Variants in NXPH2 observed in about 807,000 individuals in gnomAD.
NXPH2 encodes the protein neurexophilin 2.
In NXPH2, 5 loss-of-function variants were observed where a neutral mutation model predicts 19.8. The ratio of observed to expected loss-of-function variants is 0.25; its 90% CI spans 0.13 to 0.53. NXPH2 has a LOEUF of 0.53. NXPH2 is among the 20% of genes least tolerant of loss of function. NXPH2 has a pLI of 0.96. For missense variants in NXPH2, 289 were observed against 322.8 expected (o/e 0.90, Z 0.80); for synonymous variants, 154 against 127.4 (o/e 1.21, Z -1.41).
intron 1 of NXPH2, among the ~76,000 whole-genome samples, chr2:138,734,008 G>T (rs1407543491): frequency 6.6e-6 from 1 of 152,196 alleles, no homozygotes; most frequent in Non-Finnish European, 1.5e-5. Context: ...ACTTTGGGAG[G>T]CCAAGGCAGG....
intron 1 of NXPH2, among the ~76,000 whole-genome samples, chr2:138,761,566 T>A (rs183360105): frequency 1.4e-3 from 208 of 152,290 alleles, no homozygotes; most frequent in African/African-American, 4.2e-3. Flanking sequence ...AAAGTGCTAT[T>A]CTGAGAGATG....
chr2:138,681,757 G>A (rs115452936), intron 1 of NXPH2, among the ~76,000 whole-genome samples: 328 of 152,158 alleles, frequency 2.2e-3, no homozygotes, highest in South Asian at 2.9e-3. Flanking sequence ...CTGGCTTTTC[G>A]GTCTTGGATA....
rs1363077500 is a variant in NXPH2 at position 138,669,862 on chromosome 2, A to C, written c.*1060T>G. Among the ~76,000 whole-genome samples the C allele has an allele frequency of 6.6e-6, 1 of 152,238 alleles. No homozygotes were observed. The highest frequency in any genetic ancestry group is 1.9e-4 in the East Asian group (1 of 5,202). On this transcript the variant is annotated 3_prime_UTR_variant, in exon 2 of 2. Transcript: ENST00000272641. Reference sequence around the variant, plus strand: ...TTGGTTGTCAGCACTTAATAATTAGAAATGTTTAAATATAACTCTCTATTT... The same window carrying C: ...TTGGTTGTCAGCACTTAATAATTAGCAATGTTTAAATATAACTCTCTATTT...
intron 1 of NXPH2, among the ~76,000 whole-genome samples, chr2:138,757,572 C>T (rs1371816672): frequency 2.0e-5 from 3 of 152,044 alleles, no homozygotes; most frequent in Non-Finnish European, 4.4e-5. Flanking sequence ...CAGTTCTTGC[C>T]TGCTTGTGAT....
intron 1 of NXPH2, among the ~76,000 whole-genome samples, chr2:138,769,417 C>T (rs1217350959): frequency 6.6e-6 from 1 of 152,020 alleles, no homozygotes; most frequent in Non-Finnish European, 1.5e-5. Flanking sequence ...CTCCAAAAAT[C>T]CCAGTGAAAA....
At chr2:138,718,061 A>C (rs1433349820) in intron 1 of NXPH2, among the ~76,000 whole-genome samples, 1 of 152,066 alleles carries the variant, frequency 6.6e-6, no homozygotes, top group East Asian at 1.9e-4. Flanking sequence ...TCAGGAAGTT[A>C]AGTAGCTGAC....
intron 1 of NXPH2, among the ~76,000 whole-genome samples, chr2:138,726,613 T>G (rs1327597824): frequency 6.6e-6 from 1 of 151,982 alleles, no homozygotes; most frequent in East Asian, 1.9e-4. Context: ...ATGAGATGTG[T>G]GTGTTTTTTT....
At position 138,671,408 on chromosome 2, in the gene NXPH2, T is replaced by C. The variant is rs766896842; in HGVS notation, c.309A>G (p.Val103=). The C allele has an allele frequency of 2.5e-6, 4 of 1,614,070 alleles. No individual in the cohort carries two copies. Among genetic ancestry groups the C allele is most frequent in the South Asian group, 2.2e-5 (2 of 91,084 alleles). ...ACATTTTCTTAAATTTTCCTGTTTT[T>C]ACTATTGGCCTCCGTTTAGTTCTTG... ...PLARTKRRPI[V]KTGKFKKMFG... Residue 103 remains valine, a synonymous_variant, in exon 2 of 2, where the codon GTA becomes GTG. Transcript: ENST00000272641.
chr2:138,686,484 A>G (rs1435864190), intron 1 of NXPH2, among the ~76,000 whole-genome samples: 1 of 152,090 alleles, frequency 6.6e-6, no homozygotes, highest in Non-Finnish European at 1.5e-5. Context: ...TTGTCTTTCA[A>G]AAAAAGCTAC....
rs1681527773 is a variant in NXPH2, at chr2:138,735,626, C to T, written c.51+44565G>A. Among the ~76,000 whole-genome samples, 4 of 152,248 alleles carry T rather than the reference C, an allele frequency of 2.6e-5. No homozygotes were observed. In the South Asian group the frequency reaches 8.3e-4, roughly 32 times the overall value. ...CACAGCCAAACCATATCATTTTTCACCTGGCCCCTCCAAATCTCATGTCCT... is the reference window on the plus strand; with the variant it reads ...CACAGCCAAACCATATCATTTTTCATCTGGCCCCTCCAAATCTCATGTCCT... On this transcript the variant is annotated intron_variant, in intron 1 of 1. Transcript: ENST00000272641.
At chr2:138,690,926 T>C (rs551464089) in intron 1 of NXPH2, among the ~76,000 whole-genome samples, 44 of 152,280 alleles carry the variant, frequency 2.9e-4, no homozygotes, top group Admixed American at 7.2e-4. Flanking sequence ...ACCCTTTAGA[T>C]TGGGTGGCCA....
rs1038670486 is a variant in NXPH2 at position 138,780,279 on chromosome 2, C to T, written c.-38G>A. 2.1e-6 allele frequency: 3 copies of T among 1,399,478 alleles called. No individual in the cohort carries two copies. Among genetic ancestry groups the T allele is most frequent in the South Asian group, 1.6e-5 (1 of 63,590 alleles). The allele number at this position is 1,399,478 out of a possible 1,614,324, so 86.7% of individuals were successfully genotyped here. A position where few individuals can be genotyped will look rare whatever the true frequency, so the allele number is the denominator to read the frequency against. On this transcript the variant is annotated 5_prime_UTR_variant, in exon 1 of 2. Coordinates refer to ENST00000272641, the MANE Select transcript of NXPH2 (RefSeq NM_007226.3). ...CGCGGCTTTTCACGAGCTGCGCGCCCTCGCCTGCCTCTCGCGCATCTCCAC... is the reference window on the plus strand; with the variant it reads ...CGCGGCTTTTCACGAGCTGCGCGCCTTCGCCTGCCTCTCGCGCATCTCCAC...
chr2:138,746,133 T>G (rs1168371799), intron 1 of NXPH2, among the ~76,000 whole-genome samples: 2 of 152,178 alleles, frequency 1.3e-5, no homozygotes, highest in African/African-American at 4.8e-5. Flanking sequence ...TAAGAAGGTG[T>G]TAGAGGATGC....
intron 1 of NXPH2, among the ~76,000 whole-genome samples, chr2:138,710,575 A>G (rs1235095756): frequency 6.6e-6 from 1 of 152,150 alleles, no homozygotes; most frequent in Non-Finnish European, 1.5e-5. Context: ...CAAGCAGAGT[A>G]GTTAGTTCAA....
intron 1 of NXPH2, among the ~76,000 whole-genome samples, chr2:138,695,180 G>A (rs1347749965): frequency 6.6e-6 from 1 of 152,084 alleles, no homozygotes; most frequent in African/African-American, 2.4e-5. Flanking sequence ...TGCATAAATA[G>A]GAAATCCAAG....
intron 1 of NXPH2, among the ~76,000 whole-genome samples, chr2:138,761,453 A>G (rs916432732): frequency 1.3e-5 from 2 of 152,234 alleles, no homozygotes; most frequent in Non-Finnish European, 2.9e-5. Flanking sequence ...TCATTTGGCT[A>G]CATTTCTTTA....
At chr2:138,696,350 T>A (rs2104979212) in intron 1 of NXPH2, among the ~76,000 whole-genome samples, 1 of 152,308 alleles carries the variant, frequency 6.6e-6, no homozygotes, top group African/African-American at 2.4e-5. Flanking sequence ...CTGACAAAGG[T>A]CTTATATCTA....
intron 1 of NXPH2, among the ~76,000 whole-genome samples, chr2:138,724,751 G>T (rs1229228819): frequency 6.6e-6 from 1 of 152,220 alleles, no homozygotes; most frequent in African/African-American, 2.4e-5. Context: ...GTCCAAATGT[G>T]TGTCTGTTAG....
rs75077746 is a variant in NXPH2, at chr2:138,719,665, C to T, written c.52-48000G>A. On this transcript the variant is annotated intron_variant, in intron 1 of 1. Transcript: ENST00000272641. The stretch of plus-strand genomic sequence containing the variant: ...GGAAGATCGCTTGAGCCCAGGAGTT[C>T]GAGACTAGTCTGGAGACTGGGTAAC... Among the ~76,000 whole-genome samples the T allele has an allele frequency of 2.7e-3, 415 of 152,178 alleles. 5 individuals carry two copies. Among genetic ancestry groups the T allele is most frequent in the African/African-American group, 9.4e-3 (390 of 41,528 alleles).
Sources: allele counts gnomAD v4.1 joint callset (sites outside exome capture counted in the v4.1 genomes callset), GRCh38; gene constraint gnomAD v4.1.1; transcripts MANE v1.5; gene names NCBI Gene and HGNC (gene_info 2026-07-23, HGNC 2026-07-21).